Variants in PDGFD observed in about 807,000 individuals in gnomAD.
PDGFD encodes the protein platelet-derived growth factor D.
In PDGFD, 30 loss-of-function variants were observed where a neutral mutation model predicts 44.7. The observed-to-expected ratio is 0.67, with a 90% confidence interval of 0.50 to 0.91. The LOEUF is 0.91. PDGFD is among the 40% of genes least tolerant of loss of function. The pLI is 0.00. For synonymous variants in PDGFD, 173 were observed against 168.4 expected (o/e 1.03, Z -0.21); for missense variants, 445 against 457.8 (o/e 0.97, Z 0.25).
At chr11:104,037,071 G>A (rs765135960) in intron 1 of PDGFD, 1 of 1,614,210 alleles carries the variant, frequency 6.2e-7, no homozygotes, top group Non-Finnish European at 8.5e-7. Flanking sequence ...TGGGACCTCG[G>A]GCTCCAGGGC....
chr11:104,063,321 AGAGAGAGAG>A (rs947265595), intron 1 of PDGFD, among the ~76,000 whole-genome samples: 5 of 151,240 alleles, frequency 3.3e-5, no homozygotes, highest in Non-Finnish European at 7.4e-5. Flanking sequence ...TGTGTGTGTG[AGAGAGAGAG>A]GAGAGAGAGA....
At chr11:104,036,796 C>T in intron 1 of PDGFD, 1 of 1,590,978 alleles carries the variant, frequency 6.3e-7, no homozygotes, top group South Asian at 1.1e-5. Flanking sequence ...ATGCCCTCTG[C>T]TAGCCCGGCC....
chr11:103,916,170 A>G (rs892710833), intron 6 of PDGFD, among the ~76,000 whole-genome samples: 1 of 152,212 alleles, frequency 6.6e-6, no homozygotes, highest in Admixed American at 6.5e-5. Flanking sequence ...ACAGAATGGG[A>G]GAAAATTTTT....
chr11:104,007,174 T>A (rs1206553656), intron 1 of PDGFD, among the ~76,000 whole-genome samples: 2 of 152,088 alleles, frequency 1.3e-5, no homozygotes, highest in Non-Finnish European at 2.9e-5. Context: ...CAGGGAAGTA[T>A]CCCGTTTTAC....
At chr11:104,127,922 A>G (rs1007281701) in intron 1 of PDGFD, among the ~76,000 whole-genome samples, 5 of 152,174 alleles carry the variant, frequency 3.3e-5, no homozygotes, top group African/African-American at 1.2e-4. Flanking sequence ...GTTCTAATAC[A>G]TTTCATCTCT....
intron 1 of PDGFD, among the ~76,000 whole-genome samples, chr11:104,118,598 G>C (rs1182273543): frequency 1.3e-5 from 2 of 149,978 alleles, no homozygotes; most frequent in Non-Finnish European, 3.0e-5. Flanking sequence ...GGACATCCTT[G>C]CCTTGCTCTT....
At chr11:104,008,607 G>T (rs1859737845) in intron 1 of PDGFD, among the ~76,000 whole-genome samples, 1 of 152,036 alleles carries the variant, frequency 6.6e-6, no homozygotes, top group African/African-American at 2.4e-5. Flanking sequence ...TCTATCTTTT[G>T]CTCCCTTTAA....
chr11:104,106,812 C>T (rs933253570), intron 1 of PDGFD, among the ~76,000 whole-genome samples: 1 of 151,136 alleles, frequency 6.6e-6, no homozygotes, highest in Non-Finnish European at 1.5e-5. Flanking sequence ...GGCATGATCT[C>T]GGCTCATTGC....
chr11:103,917,790 A>G (rs376508552), intron 6 of PDGFD, among the ~76,000 whole-genome samples: 2 of 152,090 alleles, frequency 1.3e-5, no homozygotes, highest in African/African-American at 2.4e-5. Flanking sequence ...CCTCTCTAAC[A>G]TGCCTTCAAT....
intron 1 of PDGFD, among the ~76,000 whole-genome samples, chr11:104,056,132 G>A (rs887809836): frequency 2.6e-5 from 4 of 152,090 alleles, no homozygotes; most frequent in Admixed American, 2.0e-4. Context: ...ATGTAGAAAC[G>A]GAAAAGAGGG....
intron 1 of PDGFD, among the ~76,000 whole-genome samples, chr11:104,084,154 G>C (rs1422113721): frequency 6.6e-6 from 1 of 152,194 alleles, no homozygotes; most frequent in Non-Finnish European, 1.5e-5. Flanking sequence ...GAACCACAGT[G>C]AATGGACAGA....
At chr11:104,106,507 T>C (rs182968904) in intron 1 of PDGFD, among the ~76,000 whole-genome samples, 10 of 152,292 alleles carry the variant, frequency 6.6e-5, no homozygotes, top group Admixed American at 5.2e-4. Flanking sequence ...TTGGGTGAGA[T>C]GCTGGAACTG....
At chr11:104,081,322 T>C (rs73608347) in intron 1 of PDGFD, among the ~76,000 whole-genome samples, 2,793 of 152,302 alleles carry the variant, frequency 0.018, 88 homozygotes, top group African/African-American at 0.062. Context: ...AAGAAGCTGA[T>C]AGAGTTGCAT....
In PDGFD at chr11:104,138,981, C is replaced by T. The variant is rs530736817; in HGVS notation, c.124+24823G>A. Among the ~76,000 whole-genome samples the T allele has an allele frequency of 4.6e-5, 7 of 152,246 alleles. No homozygotes were observed. The South Asian group carries it at 8.3e-4, about 18-fold the overall frequency. ...TTGGTCATGTTGGCCAAGCTGGTCT[C>T]GAACTCCTGACCTCAGGTGATCCGC... On this transcript the variant is annotated intron_variant, in intron 1 of 6. Coordinates refer to ENST00000393158, the MANE Select transcript of PDGFD (RefSeq NM_025208.5).
chr11:104,161,950 AGTGTGTGTGTGTGT>A (rs3050634), intron 1 of PDGFD, among the ~76,000 whole-genome samples: 1 of 148,908 alleles, frequency 6.7e-6, no homozygotes, highest in Non-Finnish European at 1.5e-5. Context: ...AATCAAAGAG[AGTGTGTGTGTGTGT>A]GTGTGTGTGT....
chr11:103,981,546 T>C (rs532653023), intron 3 of PDGFD, among the ~76,000 whole-genome samples: 2 of 151,806 alleles, frequency 1.3e-5, no homozygotes, highest in Non-Finnish European at 2.9e-5. Context: ...ATAATGCAGA[T>C]GAATCCTTCC....
At chr11:103,973,653 G>C (rs1189928734) in intron 3 of PDGFD, among the ~76,000 whole-genome samples, 1 of 152,150 alleles carries the variant, frequency 6.6e-6, no homozygotes, top group Non-Finnish European at 1.5e-5. Context: ...TGAAGGGCCT[G>C]GCTGATGGCT....
At chr11:104,019,927 A>G (rs1666139773) in intron 1 of PDGFD, among the ~76,000 whole-genome samples, 1 of 152,180 alleles carries the variant, frequency 6.6e-6, no homozygotes, top group Non-Finnish European at 1.5e-5. Context: ...CAAAATAGTG[A>G]TAACATTAAC....
chr11:104,011,008 C>T (rs947670149), intron 1 of PDGFD, among the ~76,000 whole-genome samples: 6 of 151,920 alleles, frequency 3.9e-5, no homozygotes, highest in African/African-American at 1.4e-4. Flanking sequence ...AAAAGTCATA[C>T]CCAGGAGTAA....
Sources: allele counts gnomAD v4.1 joint callset (sites outside exome capture counted in the v4.1 genomes callset), GRCh38; gene constraint gnomAD v4.1.1; transcripts MANE v1.5; gene names NCBI Gene and HGNC (gene_info 2026-07-23, HGNC 2026-07-21).